Variants in OMA1 observed in about 807,000 individuals in gnomAD.
OMA1 encodes metalloendopeptidase OMA1, mitochondrial.
OMA1 carries 38 observed loss-of-function variants against 30.9 expected under a neutral mutation model. The observed-to-expected ratio is 1.23, with a 90% CI of 0.95 to 1.61. The LOEUF (loss-of-function observed/expected upper bound fraction) is 1.61. Ranked by LOEUF, OMA1 falls within the 40% of genes most tolerant of loss-of-function variation. The pLI, the probability that OMA1 is intolerant of heterozygous loss-of-function variation, is 0.00. For synonymous variants in OMA1, 173 were observed against 121.9 expected (o/e 1.42, Z -2.76); for missense variants, 461 against 349.2 (o/e 1.32, Z -2.55).
Position 58,523,144 on chromosome 1 carries a change from G to A in OMA1, c.1215+4117C>T, listed in dbSNP as rs548729436. On this transcript the variant is annotated intron_variant, in intron 7 of 8. Transcript: ENST00000371226. ...CACTCATCTCCATCAAGTCATCCAC[G>A]GTTAATTCCCCTGATAAGGTGTTTC... 4.6e-5 allele frequency among the ~76,000 whole-genome samples: 7 copies of A among 152,224 alleles called. No homozygotes were observed. The South Asian group carries it at 6.2e-4, about 14-fold the overall frequency.
intron 3 of OMA1, among the ~76,000 whole-genome samples, chr1:58,535,320 C>T (rs1044077479): frequency 2.0e-5 from 3 of 151,974 alleles, no homozygotes; most frequent in Non-Finnish European, 4.4e-5. Context: ...AATCAACAAG[C>T]GGCTGGGCAT....
chr1:58,536,851 A>T (rs1326726490), intron 2 of OMA1, 110 bp from the exon 3 acceptor site: 1 of 671,482 alleles, frequency 1.5e-6, no homozygotes, highest in Non-Finnish European at 2.7e-6. Flanking sequence ...AATTTGTATG[A>T]TGTATTTCGC....
At chr1:58,494,143 A>G (rs141345839) in intron 8 of OMA1, among the ~76,000 whole-genome samples, 2 of 152,216 alleles carry the variant, frequency 1.3e-5, no homozygotes, top group Non-Finnish European at 2.9e-5. Flanking sequence ...TCTTTGACAA[A>G]CCTGACAAAA....
chr1:58,496,146 C>T (rs1174066607), intron 8 of OMA1, among the ~76,000 whole-genome samples: 1 of 151,224 alleles, frequency 6.6e-6, no homozygotes, highest in Admixed American at 6.6e-5. Context: ...GGTGCCTTTT[C>T]AATATTCTTT....
chr1:58,508,766 T>C (rs960117586), intron 7 of OMA1, among the ~76,000 whole-genome samples: 4 of 152,070 alleles, frequency 2.6e-5, no homozygotes, highest in Non-Finnish European at 4.4e-5. Context: ...ACACAAGCAG[T>C]TGCCATGACC....
intron 8 of OMA1, among the ~76,000 whole-genome samples, chr1:58,497,035 A>G (rs1459008939): frequency 6.6e-6 from 1 of 152,202 alleles, no homozygotes; most frequent in Non-Finnish European, 1.5e-5. Flanking sequence ...AGGTATTAAG[A>G]GACTTCCAAT....
intron 8 of OMA1, among the ~76,000 whole-genome samples, chr1:58,497,559 T>A (rs1440962426): frequency 2.0e-5 from 3 of 152,164 alleles, no homozygotes; most frequent in Non-Finnish European, 4.4e-5. Flanking sequence ...GCATAAGAGT[T>A]ATTTTCTACT....
intron 7 of OMA1, among the ~76,000 whole-genome samples, chr1:58,516,744 T>G (rs569782564): frequency 6.6e-6 from 1 of 152,292 alleles, no homozygotes; most frequent in Non-Finnish European, 1.5e-5. Context: ...ATATGACCAA[T>G]AGAACCATCT....
intron 7 of OMA1, among the ~76,000 whole-genome samples, chr1:58,512,591 G>A (rs1002200454): frequency 2.6e-5 from 4 of 152,170 alleles, no homozygotes; most frequent in Non-Finnish European, 4.4e-5. Flanking sequence ...CCTGTCATAT[G>A]CAACAATACG....
Position 58,504,161 on chromosome 1 carries a change from A to C in OMA1, c.1365+1899T>G, listed in dbSNP as rs1381300479. Among the ~76,000 whole-genome samples, 3 of 152,302 alleles carry C rather than the reference A, an allele frequency of 2.0e-5. No homozygotes were observed. The East Asian group carries it at 5.8e-4, about 29-fold the overall frequency. On this transcript the variant is annotated intron_variant, in intron 8 of 8. Transcript: ENST00000371226. ...GTCACTCCTCTGCTCAATATCCTCA[A>C]CTAGCTTCTCCTATCACTTGAAGTG...
intron 7 of OMA1, among the ~76,000 whole-genome samples, chr1:58,520,213 G>GT (rs1290749243): frequency 6.6e-6 from 1 of 151,918 alleles, no homozygotes; most frequent in African/African-American, 2.4e-5. Flanking sequence ...ATTTACCCAC[G>GT]TAACAGACCT....
chr1:58,499,130 T>A (rs111429936), intron 8 of OMA1, among the ~76,000 whole-genome samples: 3 of 151,846 alleles, frequency 2.0e-5, no homozygotes, highest in African/African-American at 7.2e-5. Flanking sequence ...ATAAGCCAGG[T>A]ACAGAAAGAA....
At chr1:58,512,842 T>C (rs1646101793) in intron 7 of OMA1, among the ~76,000 whole-genome samples, 3 of 152,204 alleles carry the variant, frequency 2.0e-5, no homozygotes, top group Admixed American at 6.5e-5. Flanking sequence ...CATGTGCCTA[T>C]AGTTAAGTAT....
chr1:58,545,390 A>G (rs1646685030), intron 1 of OMA1, among the ~76,000 whole-genome samples: 1 of 152,254 alleles, frequency 6.6e-6, no homozygotes, highest in South Asian at 2.1e-4. Flanking sequence ...CGTTTTGAAT[A>G]GAAACAGTGC....
At chr1:58,502,836 T>C (rs533149222) in intron 8 of OMA1, among the ~76,000 whole-genome samples, 2 of 152,336 alleles carry the variant, frequency 1.3e-5, no homozygotes, top group Admixed American at 6.5e-5. Context: ...TACTTTCAAA[T>C]TGAATTTAAT....
intron 7 of OMA1, among the ~76,000 whole-genome samples, chr1:58,522,909 T>C (rs1646289777): frequency 6.6e-6 from 1 of 152,208 alleles, no homozygotes; most frequent in African/African-American, 2.4e-5. Context: ...AGAGGAGAGT[T>C]GGTCTTGCAG....
intron 6 of OMA1, among the ~76,000 whole-genome samples, chr1:58,527,793 G>A (rs988158694): frequency 6.6e-6 from 1 of 152,250 alleles, no homozygotes; most frequent in African/African-American, 2.4e-5. Flanking sequence ...ATAGCAGAAT[G>A]CTCTTTCTTT....
chr1:58,498,361 A>G, intron 8 of OMA1, among the ~76,000 whole-genome samples: 1 of 152,104 alleles, frequency 6.6e-6, no homozygotes, highest in East Asian at 1.9e-4. Context: ...GAGAGGTTTA[A>G]ATTTTAAATA....
Position 58,492,327 on chromosome 1 carries a change from T to C in OMA1, c.1366-11153A>G, listed in dbSNP as rs574514529. 9.5e-4 allele frequency among the ~76,000 whole-genome samples: 144 copies of C among 151,968 alleles called. 1 individual carries two copies. Among genetic ancestry groups the C allele is most frequent in the African/African-American group, 3.3e-3 (137 of 41,436 alleles). Reference sequence around the variant, plus strand: ...AAAGAAAGCAGGAAAGATCTAAAATTGACACCCTAACATCACAATTAAAAG... The same window carrying C: ...AAAGAAAGCAGGAAAGATCTAAAATCGACACCCTAACATCACAATTAAAAG... On this transcript the variant is annotated intron_variant, in intron 8 of 8. Transcript: ENST00000371226.
Sources: allele counts gnomAD v4.1 joint callset (sites outside exome capture counted in the v4.1 genomes callset), GRCh38; gene constraint gnomAD v4.1.1; transcripts MANE v1.5; gene names NCBI Gene and HGNC (gene_info 2026-07-23, HGNC 2026-07-21).